Variants in SNX7 observed in about 807,000 individuals in gnomAD.
The protein encoded by SNX7 is sorting nexin-7.
A neutral mutation model predicts 48.4 loss-of-function variants in SNX7; 35 were observed. The observed-to-expected ratio is 0.72, with a 90% confidence interval of 0.55 to 0.96. SNX7 has a LOEUF of 0.96. SNX7 is among the 40% of genes least tolerant of loss of function. The pLI, the probability that SNX7 is intolerant of heterozygous loss-of-function variation, is 0.00. For missense variants in SNX7, 553 were observed against 548.9 expected (o/e 1.01, Z -0.07); for synonymous variants, 190 against 190.2 (o/e 1.00, Z 0.01).
At chr1:98,685,547 G>A (rs887721034) in intron 2 of SNX7, among the ~76,000 whole-genome samples, 5 of 152,108 alleles carry the variant, frequency 3.3e-5, no homozygotes, top group African/African-American at 4.8e-5. Context: ...GAGCAAAGTA[G>A]ATCTAGAACA....
chr1:98,700,775 C>A (rs1211661627), intron 6 of SNX7, among the ~76,000 whole-genome samples: 1 of 152,058 alleles, frequency 6.6e-6, no homozygotes, highest in Non-Finnish European at 1.5e-5. Context: ...GATTCTTAAT[C>A]CTTAATGCTT....
In SNX7 at chr1:98,722,380, C is replaced by T. The variant is rs77437589; in HGVS notation, c.1126-15857C>T. Among the ~76,000 whole-genome samples, 412 of 152,142 alleles carry T rather than the reference C, an allele frequency of 2.7e-3. 1 individual carries two copies. Among genetic ancestry groups the T allele is most frequent in the Admixed American group, 8.3e-3 (127 of 15,278 alleles). The stretch of plus-strand genomic sequence containing the variant: ...CTTTAGACACATCTCACCTCTCTCA[C>T]GAATCAGAAAATAATACAGTTTTAT... On this transcript the variant is annotated intron_variant, in intron 7 of 8. Transcript: ENST00000306121.
At chr1:98,683,648 A>C (rs1400742003) in intron 1 of SNX7, among the ~76,000 whole-genome samples, 4 of 152,194 alleles carry the variant, frequency 2.6e-5, no homozygotes, top group African/African-American at 9.6e-5. Flanking sequence ...ATCTGCTGAC[A>C]TCTTGATCTT....
chr1:98,714,570 C>G (rs1652488722), intron 7 of SNX7, among the ~76,000 whole-genome samples: 1 of 152,136 alleles, frequency 6.6e-6, no homozygotes, highest in African/African-American at 2.4e-5. Context: ...GGGGAAGTAT[C>G]TAGAGTGATC....
At chr1:98,689,124 C>G (rs536681603) in intron 2 of SNX7, among the ~76,000 whole-genome samples, 11 of 152,080 alleles carry the variant, frequency 7.2e-5, no homozygotes, top group Admixed American at 3.3e-4. Context: ...AGGCTTGTCT[C>G]GAACTCCTGA....
intron 2 of SNX7, 38 bp from the exon 3 acceptor site, chr1:98,691,037 A>G: frequency 7.2e-7 from 1 of 1,392,528 alleles, no homozygotes; most frequent in Non-Finnish European, 1.0e-6. Context: ...CTTCTATCTT[A>G]TATTGCATGT....
chr1:98,666,853 A>G (rs1357315054), intron 1 of SNX7, among the ~76,000 whole-genome samples: 1 of 152,148 alleles, frequency 6.6e-6, no homozygotes, highest in African/African-American at 2.4e-5. Flanking sequence ...AAGAAATGCA[A>G]CCTAAAACCT....
intron 5 of SNX7, 88 bp from the exon 6 acceptor site, chr1:98,698,618 A>G (rs1651581648): frequency 8.7e-7 from 1 of 1,150,494 alleles, no homozygotes; most frequent in Non-Finnish European, 1.2e-6. Context: ...CTGTGAGAGA[A>G]ATAAGGCCCT....
At chr1:98,663,787 G>A (rs898249152) in intron 1 of SNX7, among the ~76,000 whole-genome samples, 8 of 152,038 alleles carry the variant, frequency 5.3e-5, no homozygotes, top group African/African-American at 1.2e-4. Context: ...CTAAAAGCCC[G>A]TACACCTGGG....
intron 1 of SNX7, among the ~76,000 whole-genome samples, chr1:98,683,370 C>G (rs1019789838): frequency 1.3e-5 from 2 of 152,098 alleles, no homozygotes; most frequent in African/African-American, 2.4e-5. Context: ...TCTCCAAGAT[C>G]AGCTAAGAGA....
At chr1:98,749,023 G>C (rs1654446397) in intron 8 of SNX7, among the ~76,000 whole-genome samples, 1 of 152,174 alleles carries the variant, frequency 6.6e-6, no homozygotes, top group Admixed American at 6.5e-5. Context: ...CACAAAAACA[G>C]ATAAGCTTGA....
intron 1 of SNX7, among the ~76,000 whole-genome samples, chr1:98,681,999 A>G (rs1650516219): frequency 6.6e-6 from 1 of 152,036 alleles, no homozygotes; most frequent in Non-Finnish European, 1.5e-5. Context: ...TAACTTTCTT[A>G]CACCAATTAT....
chr1:98,754,787 G>C (rs138674613), intron 8 of SNX7, among the ~76,000 whole-genome samples: 81 of 149,810 alleles, frequency 5.4e-4, no homozygotes, highest in African/African-American at 2.0e-3. Context: ...TTTCTTTACT[G>C]TTTTTGTTTT....
chr1:98,728,530 T>A (rs1416810437), intron 7 of SNX7, among the ~76,000 whole-genome samples: 1 of 152,168 alleles, frequency 6.6e-6, no homozygotes, highest in Admixed American at 6.5e-5. Flanking sequence ...TCAAGATCCA[T>A]TAGTGTGTTG....
intron 1 of SNX7, among the ~76,000 whole-genome samples, chr1:98,678,420 A>G (rs1650292753): frequency 6.6e-6 from 1 of 152,200 alleles, no homozygotes; most frequent in Non-Finnish European, 1.5e-5. Flanking sequence ...GGAGAGGGCA[A>G]ACATCCAAAC....
intron 8 of SNX7, among the ~76,000 whole-genome samples, chr1:98,749,353 T>C (rs1401364673): frequency 6.6e-6 from 1 of 152,140 alleles, no homozygotes; most frequent in African/African-American, 2.4e-5. Context: ...CGTTTGTAGC[T>C]AATGAGTCCT....
chr1:98,736,797 C>T (rs1653801273), intron 7 of SNX7, among the ~76,000 whole-genome samples: 1 of 152,120 alleles, frequency 6.6e-6, no homozygotes, highest in Non-Finnish European at 1.5e-5. Context: ...ATTCAAGCAT[C>T]AGAAGTAATA....
At chr1:98,699,484 A>G (rs866121081) in intron 6 of SNX7, among the ~76,000 whole-genome samples, 21 of 152,254 alleles carry the variant, frequency 1.4e-4, no homozygotes, top group African/African-American at 4.3e-4. Context: ...GAATTTAGCA[A>G]TGCTATCTGC....
Position 98,720,928 on chromosome 1 carries a change from A to T in SNX7, c.1126-17309A>T, listed in dbSNP as rs151092563. On this transcript the variant is annotated intron_variant, in intron 7 of 8. Coordinates refer to ENST00000306121, the MANE Select transcript of SNX7 (RefSeq NM_015976.5). The stretch of plus-strand genomic sequence containing the variant: ...AAAGAGATGAATGTCTGAAAGAAAC[A>T]TCAGGGGAATTCACCTGATTAAAAC... 6.0e-4 allele frequency among the ~76,000 whole-genome samples: 92 copies of T among 152,256 alleles called. No individual in the cohort carries two copies. The South Asian group carries it at 0.011, about 19-fold the overall frequency.
Sources: gnomAD v4.1 joint callset for allele counts (sites outside exome capture counted in the v4.1 genomes callset) on GRCh38, gnomAD v4.1.1 for gene constraint, MANE v1.5 for transcripts, NCBI Gene and HGNC (gene_info 2026-07-23, HGNC 2026-07-21) for gene names.